KLF8: variants seen among roughly 807,000 people sequenced by gnomAD.
The protein encoded by KLF8 is KLF transcription factor 8.
Under a neutral mutation model 18.2 loss-of-function variants are expected in KLF8, and 10 were observed. That is an observed-to-expected ratio of 0.55 (90% CI 0.34 to 0.93). The LOEUF (loss-of-function observed/expected upper bound fraction) is 0.93, where lower values mean the gene tolerates loss of function less well. KLF8 is among the 40% of genes least tolerant of loss of function. The pLI, the probability that KLF8 is intolerant of heterozygous loss-of-function variation, is 0.02. For synonymous variants in KLF8, 109 were observed against 97.3 expected, an observed-to-expected ratio of 1.12 and a Z score of -0.71; for missense variants, 264 against 277.9, an observed-to-expected ratio of 0.95 and a Z score of 0.36.
intron 3 of KLF8, chrX:56,266,341 A>T (rs1365744228): frequency 1.3e-6 from 1 of 747,136 alleles, no homozygotes; most frequent in Non-Finnish European, 1.6e-6. Context: ...GGCATCTATC[A>T]CTTTCCATTT....
chrX:55,989,777 G>A, the KLF8 span, among the ~76,000 whole-genome samples: 7 of 111,910 alleles, frequency 6.3e-5, no homozygotes, highest in South Asian at 2.6e-3. Flanking sequence ...CAGAAGGAAT[G>A]GTACCAGCTC....
chrX:56,181,353 G>A, the KLF8 span, among the ~76,000 whole-genome samples: 3 of 110,909 alleles, frequency 2.7e-5, no homozygotes, highest in Non-Finnish European at 3.8e-5. Flanking sequence ...GAGCCTATGT[G>A]TGTCTCTGCA....
chrX:56,135,581 A>C, the KLF8 span, among the ~76,000 whole-genome samples: 1 of 110,805 alleles, frequency 9.0e-6, no homozygotes, highest in Non-Finnish European at 1.9e-5. Flanking sequence ...GGATAGCTTT[A>C]GGAGATATAC....
the KLF8 span, among the ~76,000 whole-genome samples, chrX:55,926,454 C>T: frequency 9.1e-6 from 1 of 109,928 alleles, no homozygotes; most frequent in African/African-American, 3.3e-5. Context: ...TTTATTTATT[C>T]AGAGTCAATT....
At chrX:56,113,996 C>T in the KLF8 span, among the ~76,000 whole-genome samples, 1 of 112,063 alleles carries the variant, frequency 8.9e-6, no homozygotes, top group Non-Finnish European at 1.9e-5. Flanking sequence ...GAGACTGCGG[C>T]TGGCCCTACC....
chrX:56,250,595 AT>A (rs2066694923), intron 2 of KLF8, among the ~76,000 whole-genome samples: 1 of 112,094 alleles, frequency 8.9e-6, no homozygotes, highest in South Asian at 3.7e-4. Flanking sequence ...CATATTTCAG[AT>A]AGGATGAAGA....
chrX:55,961,625 G>T, the KLF8 span: 1 of 428,732 alleles, frequency 2.3e-6, no homozygotes, highest in Non-Finnish European at 4.4e-6. Context: ...TTAACGATCA[G>T]AGCCTGTTTT....
At position 56,233,301 on chromosome X, in the gene KLF8, G is replaced by A; in HGVS notation, c.-34G>A. On this transcript the variant is annotated 5_prime_UTR_variant, in exon 1 of 6. Transcript: ENST00000468660. ...ATGAGCCTCCCGGAGGACGGCATGAGTTCTGGACACTTCAGGAGTCCTCAG... is the reference window on the plus strand; with the variant it reads ...ATGAGCCTCCCGGAGGACGGCATGAATTCTGGACACTTCAGGAGTCCTCAG... 1 of 1,208,126 alleles carries A rather than the reference G, an allele frequency of 8.3e-7. No homozygotes were observed. Among genetic ancestry groups the A allele is most frequent in the Non-Finnish European group, 1.1e-6 (1 of 892,535 alleles).
chrX:55,938,147 T>G, the KLF8 span, among the ~76,000 whole-genome samples: 11,230 of 111,343 alleles, frequency 0.1, 1,381 homozygotes, highest in African/African-American at 0.35. Flanking sequence ...ACCCACAAAG[T>G]GAAGCCCATC....
chrX:56,257,865 A>G (rs748069271), intron 2 of KLF8, among the ~76,000 whole-genome samples: 1 of 112,377 alleles, frequency 8.9e-6, no homozygotes, highest in Admixed American at 9.4e-5. Context: ...TTTCTTTTGT[A>G]TATATACCGA....
the KLF8 span, among the ~76,000 whole-genome samples, chrX:55,970,204 A>T: frequency 9.0e-6 from 1 of 111,295 alleles, no homozygotes; most frequent in Admixed American, 9.6e-5. Context: ...AAATTCAGTA[A>T]TACGTTAAAA....
chrX:55,946,705 C>A, the KLF8 span, among the ~76,000 whole-genome samples: 3 of 111,361 alleles, frequency 2.7e-5, no homozygotes, highest in East Asian at 2.8e-4. Context: ...AGGCAACCTA[C>A]AAAATGGGAG....
chrX:56,190,016 A>G, the KLF8 span, among the ~76,000 whole-genome samples: 1 of 109,979 alleles, frequency 9.1e-6, no homozygotes, highest in Admixed American at 9.8e-5. Context: ...AACTTAAAGT[A>G]TAATAATAAT....
the KLF8 span, among the ~76,000 whole-genome samples, chrX:56,134,959 T>C: frequency 3.6e-5 from 4 of 111,356 alleles, no homozygotes; most frequent in African/African-American, 1.3e-4. Flanking sequence ...AAAACCACAG[T>C]GCGATACCAC....
At position 56,232,599 on chromosome X, in the gene KLF8, C is replaced by A. The variant is rs2066413423; in HGVS notation, c.-736C>A. 1 of 111,518 alleles carries A rather than the reference C, an allele frequency of 9.0e-6. No individual in the cohort carries two copies. Among genetic ancestry groups the A allele is most frequent in the African/African-American group, 3.3e-5 (1 of 30,638 alleles). 9.2% of individuals were successfully genotyped at this position (111,518 alleles called of 1,213,427 possible). A position where few individuals can be genotyped will look rare whatever the true frequency, so the allele number is the denominator to read the frequency against. On this transcript the variant is annotated 5_prime_UTR_variant, in exon 1 of 6. Transcript: ENST00000468660. ...CCCAGAGGACCCGCACGAGTTGCTG[C>A]CATTTTTCGCTGAAGCCCCTGCCCT...
chrX:56,222,187 A>C, the KLF8 span, among the ~76,000 whole-genome samples: 11 of 110,788 alleles, frequency 9.9e-5, no homozygotes, highest in Admixed American at 3.8e-4. Context: ...AAGATTCTCC[A>C]AGTCCCCACT....
the KLF8 span, among the ~76,000 whole-genome samples, chrX:55,984,828 A>G: frequency 9.1e-6 from 1 of 110,479 alleles, no homozygotes; most frequent in African/African-American, 3.3e-5. Flanking sequence ...CTGTTGTGAG[A>G]TGGTATCTCA....
the KLF8 span, among the ~76,000 whole-genome samples, chrX:56,178,389 T>A: frequency 8.9e-6 from 1 of 112,481 alleles, no homozygotes; most frequent in African/African-American, 3.2e-5. Context: ...ATTAGCCTTT[T>A]GTCACATGGG....
chrX:55,913,594 T>C, the KLF8 span, among the ~76,000 whole-genome samples: 1 of 111,425 alleles, frequency 9.0e-6, no homozygotes. Flanking sequence ...AGATTCTTCC[T>C]TCACAGCCCT....
Sources: gnomAD v4.1 joint callset for allele counts (sites outside exome capture counted in the v4.1 genomes callset) on GRCh38, gnomAD v4.1.1 for gene constraint, MANE v1.5 for transcripts, NCBI Gene and HGNC (gene_info 2026-07-23, HGNC 2026-07-21) for gene names.